Variants in ANKS1B observed in about 807,000 individuals in gnomAD.
ANKS1B encodes the protein ankyrin repeat and sterile alpha motif domain containing 1B, also known as ankyrin repeat and sterile alpha motif domain-containing protein 1B.
In ANKS1B, 36 loss-of-function variants were observed where a neutral mutation model predicts 148.3. The ratio of observed to expected loss-of-function variants is 0.24; its 90% CI spans 0.19 to 0.32. The LOEUF (loss-of-function observed/expected upper bound fraction) is 0.32. Among genes scored for constraint, ANKS1B ranks in the 10% least tolerant of loss-of-function variants. The probability of loss-of-function intolerance (pLI) is 1.00; values close to 1 mark genes in which losing one functional copy is unlikely to be tolerated. For synonymous variants in ANKS1B, 542 were observed against 560.8 expected (o/e 0.97, Z 0.47); for missense variants, 1,157 against 1,542.6 (o/e 0.75, Z 4.19).
At chr12:98,769,748 A>G (rs563910462) in intron 25 of ANKS1B, among the ~76,000 whole-genome samples, 1 of 152,314 alleles carries the variant, frequency 6.6e-6, no homozygotes, top group Admixed American at 6.5e-5. Context: ...ACTCTGATGA[A>G]GGCAAATTAT....
At chr12:99,978,539 A>G (rs2095655347) in intron 1 of ANKS1B, among the ~76,000 whole-genome samples, 1 of 152,224 alleles carries the variant, frequency 6.6e-6, no homozygotes, top group Non-Finnish European at 1.5e-5. Flanking sequence ...GACTATTTTT[A>G]TAGATATAAC....
chr12:99,352,557 T>C (rs1175965949), intron 12 of ANKS1B, among the ~76,000 whole-genome samples: 1 of 152,084 alleles, frequency 6.6e-6, no homozygotes, highest in East Asian at 1.9e-4. Context: ...AATGAAACTG[T>C]GCCTTAACAT....
At chr12:98,852,144 G>GT (rs1179161131) in intron 17 of ANKS1B, among the ~76,000 whole-genome samples, 1 of 151,692 alleles carries the variant, frequency 6.6e-6, no homozygotes, top group Non-Finnish European at 1.5e-5. Flanking sequence ...ACTGTCCACA[G>GT]GCCAGGAAAG....
At chr12:99,273,573 G>T (rs1398139168) in intron 12 of ANKS1B, among the ~76,000 whole-genome samples, 5 of 123,514 alleles carry the variant, frequency 4.0e-5, no homozygotes, top group Admixed American at 7.8e-5. Context: ...TTTTTTTTGC[G>T]ATTTTTTTTT....
chr12:98,902,673 C>A (rs1000987615), intron 17 of ANKS1B, among the ~76,000 whole-genome samples: 4 of 152,170 alleles, frequency 2.6e-5, no homozygotes, highest in Admixed American at 1.3e-4. Context: ...AACCTGACTG[C>A]ACCTCAGTTT....
chr12:99,510,073 T>C (rs1392431824), intron 9 of ANKS1B, among the ~76,000 whole-genome samples: 1 of 152,016 alleles, frequency 6.6e-6, no homozygotes, highest in East Asian at 1.9e-4. Context: ...TTAAGCCCAC[T>C]ATTGAGACCT....
intron 1 of ANKS1B, among the ~76,000 whole-genome samples, chr12:99,983,539 G>A (rs1029375796): frequency 2.6e-5 from 4 of 152,126 alleles, no homozygotes; most frequent in Non-Finnish European, 5.9e-5. Flanking sequence ...TGCTGGGGCT[G>A]CCTAACCTGC....
chr12:98,745,915 G>A (rs1483204065), intron 26 of ANKS1B, 66 bp from the exon 27 acceptor site: 1 of 1,534,780 alleles, frequency 6.5e-7, no homozygotes, highest in Non-Finnish European at 8.8e-7. Flanking sequence ...GCACGCGGAC[G>A]CCGCTGGCGA....
In ANKS1B at chr12:98,823,313, A is replaced by C. The variant is rs564536395; in HGVS notation, c.3066+5861T>G. Among the ~76,000 whole-genome samples the C allele has an allele frequency of 2.0e-5, 3 of 152,330 alleles. No homozygotes were observed. The East Asian group carries it at 5.8e-4, about 29-fold the overall frequency. The stretch of plus-strand genomic sequence containing the variant: ...ATGATCTGTCTGTGCTTAAGTATTA[A>C]GAGTTGCTCTTTAGACCTTCATGGA... On this transcript the variant is annotated intron_variant, in intron 19 of 26. Transcript: ENST00000683438.
At position 99,914,855 on chromosome 12, in the gene ANKS1B, C is replaced by G. The variant is rs147643868; in HGVS notation, c.134+69249G>C. ...GAGACCTGGCAAAGGACATACCTGA[C>G]GGGGGTGCCTTCCTCCAGATCTGCC... On this transcript the variant is annotated intron_variant, in intron 1 of 26. Coordinates refer to ENST00000683438, the MANE Select transcript of ANKS1B (RefSeq NM_001352186.2). Among the ~76,000 whole-genome samples the G allele has an allele frequency of 5.9e-5, 9 of 152,056 alleles. No individual in the cohort carries two copies. In the South Asian group the frequency reaches 1.9e-3, roughly 32 times the overall value.
At chr12:99,096,551 T>C (rs2153661968) in intron 15 of ANKS1B, among the ~76,000 whole-genome samples, 1 of 152,212 alleles carries the variant, frequency 6.6e-6, no homozygotes, top group African/African-American at 2.4e-5. Context: ...GAGTAAGAGC[T>C]CCACTAAGAA....
At chr12:99,622,084 A>G (rs1296191620) in intron 9 of ANKS1B, among the ~76,000 whole-genome samples, 1 of 152,094 alleles carries the variant, frequency 6.6e-6, no homozygotes, top group South Asian at 2.1e-4. Context: ...AAAAATAAAA[A>G]TTATTATAAT....
chr12:99,229,614 T>C (rs2086505518), intron 14 of ANKS1B, among the ~76,000 whole-genome samples: 1 of 152,004 alleles, frequency 6.6e-6, no homozygotes, highest in Non-Finnish European at 1.5e-5. Flanking sequence ...TGCCCTACAC[T>C]GGTCACTTAA....
chr12:99,734,524 T>C (rs1600954288), intron 8 of ANKS1B, among the ~76,000 whole-genome samples: 1 of 151,918 alleles, frequency 6.6e-6, no homozygotes, highest in South Asian at 2.1e-4. Flanking sequence ...AAACACCTGA[T>C]CTCAGGTGAT....
intron 12 of ANKS1B, among the ~76,000 whole-genome samples, chr12:99,270,460 T>C (rs2076919781): frequency 6.6e-6 from 1 of 152,178 alleles, no homozygotes; most frequent in African/African-American, 2.4e-5. Context: ...TTACTTATAT[T>C]TGTTTTCTTG....
At position 99,889,175 on chromosome 12, in the gene ANKS1B, C is replaced by T. The variant is rs368046584; in HGVS notation, c.135-63786G>A. The stretch of plus-strand genomic sequence containing the variant: ...CTTTATGGAGGAAGCACTATTACTC[C>T]GTACCAAGCATCTTATATAATATAG... On this transcript the variant is annotated intron_variant, in intron 1 of 26. Coordinates refer to ENST00000683438, the MANE Select transcript of ANKS1B (RefSeq NM_001352186.2). Among the ~76,000 whole-genome samples, 99 of 152,242 alleles carry T rather than the reference C, an allele frequency of 6.5e-4. 1 individual carries two copies. In the Middle Eastern group the frequency reaches 0.02, roughly 31 times the overall value.
At chr12:99,058,131 A>G (rs1364638355) in intron 16 of ANKS1B, among the ~76,000 whole-genome samples, 1 of 152,044 alleles carries the variant, frequency 6.6e-6, no homozygotes, top group African/African-American at 2.4e-5. Context: ...TGGCAAATGC[A>G]TCTTCATGAG....
chr12:99,455,876 T>C (rs925207424), intron 10 of ANKS1B, among the ~76,000 whole-genome samples: 1 of 152,124 alleles, frequency 6.6e-6, no homozygotes, highest in Admixed American at 6.6e-5. Flanking sequence ...TTGGGAACTC[T>C]ATGGCCCCAC....
intron 8 of ANKS1B, among the ~76,000 whole-genome samples, chr12:99,667,353 A>AAAAAAG (rs1555536431): frequency 6.8e-6 from 1 of 148,084 alleles, no homozygotes; most frequent in African/African-American, 2.6e-5. Context: ...TGTCTCAAAA[A>AAAAAAG]AAAAGAAAAG....
Sources: allele counts gnomAD v4.1 joint callset (sites outside exome capture counted in the v4.1 genomes callset), GRCh38; gene constraint gnomAD v4.1.1; transcripts MANE v1.5; gene names NCBI Gene and HGNC (gene_info 2026-07-23, HGNC 2026-07-21).